The following KDM2B variants were observed in gnomAD, a reference collection of about 807,000 sequenced individuals.
KDM2B encodes the protein lysine-specific demethylase 2B.
A neutral mutation model predicts 150.0 loss-of-function variants in KDM2B; 26 were observed. The observed-to-expected ratio is 0.17, with a 90% CI of 0.13 to 0.24. The LOEUF (loss-of-function observed/expected upper bound fraction) is 0.24. Ranked by LOEUF, KDM2B falls within the 10% of genes least tolerant of loss-of-function variation. KDM2B has a pLI of 1.00. For synonymous variants in KDM2B, 734 were observed against 729.5 expected (o/e 1.01, Z -0.10); for missense variants, 1,265 against 1,816.9 (o/e 0.70, Z 5.52).
chr12:121,427,335 C>A (rs566862998), downstream of KDM2B, among the ~76,000 whole-genome samples: 39 of 152,218 alleles, frequency 2.6e-4, no homozygotes, highest in Admixed American at 8.5e-4. Flanking sequence ...GTCAGGAGTT[C>A]GAGACCAGCC....
chr12:121,518,817 C>T lies in KDM2B; in HGVS notation c.1047+2168G>A, dbSNP rs1273613561. 6.6e-6 allele frequency among the ~76,000 whole-genome samples: 1 copy of T among 152,226 alleles called. No individual in the cohort carries two copies. Among genetic ancestry groups the T allele is most frequent in the African/African-American group, 2.4e-5 (1 of 41,450 alleles). On this transcript the variant is annotated intron_variant, in intron 9 of 22. Transcript: ENST00000377071. This position sits in a 1 kb window ranked among gnomAD's most constrained non-coding sequence, Gnocchi z 4.4. Reference sequence around the variant, plus strand: ...TAGATTTCTCCATCTCTATTCCACACGTCTGCTCGTGCACAAACTGGCCTG... The same window carrying T: ...TAGATTTCTCCATCTCTATTCCACATGTCTGCTCGTGCACAAACTGGCCTG...
intron 12 of KDM2B, among the ~76,000 whole-genome samples, chr12:121,492,690 A>G (rs898414313): frequency 1.3e-5 from 2 of 149,644 alleles, no homozygotes; most frequent in Non-Finnish European, 3.0e-5. Flanking sequence ...TTAGCTGGGC[A>G]TGGTGGCGGG....
chr12:121,431,701 C>G (rs1271470032), intron 22 of KDM2B, among the ~76,000 whole-genome samples: 3 of 152,058 alleles, frequency 2.0e-5, no homozygotes, highest in Non-Finnish European at 4.4e-5. Flanking sequence ...GCCTCCACAT[C>G]AGCACAGAAT....
At chr12:121,415,099 G>GA in the KDM2B span, among the ~76,000 whole-genome samples, 6 of 150,844 alleles carry the variant, frequency 4.0e-5, no homozygotes, top group Admixed American at 4.0e-4. Flanking sequence ...TCCATCTCAA[G>GA]AAAAAAAAGA....
rs1345258395 is a variant in KDM2B at position 121,467,311 on chromosome 12, C to A, written c.1735-13967G>T. On this transcript the variant is annotated intron_variant, in intron 12 of 22. Transcript: ENST00000377071. This position sits in a 1 kb window ranked among gnomAD's most constrained non-coding sequence, Gnocchi z 5.1. ...GGCTCGGCTCGCCCTGGCTCGGGCT[C>A]GGGCTCGGGCTCGGGCTCCCGCTGC... The A allele has an allele frequency of 1.0e-6, 1 of 982,478 alleles. No individual in the cohort carries two copies. Among genetic ancestry groups the A allele is most frequent in the South Asian group, 4.5e-5 (1 of 22,042 alleles). 60.9% of individuals were successfully genotyped at this position (982,478 alleles called of 1,614,324 possible). A position where few individuals can be genotyped will look rare whatever the true frequency, so the allele number is the denominator to read the frequency against.
chr12:121,523,302 G>A (rs557493966), intron 8 of KDM2B, among the ~76,000 whole-genome samples: 1 of 152,230 alleles, frequency 6.6e-6, no homozygotes, highest in Non-Finnish European at 1.5e-5. Flanking sequence ...AGAGAAATAA[G>A]GACAAGGGCG....
At chr12:121,569,482 A>C (rs1477900444) in intron 4 of KDM2B, among the ~76,000 whole-genome samples, 1 of 152,226 alleles carries the variant, frequency 6.6e-6, no homozygotes, top group East Asian at 1.9e-4. Context: ...TCAATTTCTC[A>C]AGATCATTTT....
chr12:121,565,932 AT>A (rs78576604), intron 4 of KDM2B, among the ~76,000 whole-genome samples: 476 of 143,276 alleles, frequency 3.3e-3, no homozygotes, highest in Middle Eastern at 7.2e-3. Flanking sequence ...CGGCCCAGGA[AT>A]TTTTTTTTTT....
intron 12 of KDM2B, among the ~76,000 whole-genome samples, chr12:121,487,699 C>A (rs1555299149): frequency 6.6e-6 from 1 of 152,156 alleles, no homozygotes; most frequent in Non-Finnish European, 1.5e-5. Context: ...CTCAAACCCC[C>A]AGGGGCACAT....
At chr12:121,556,617 G>A (rs782100292) in intron 4 of KDM2B, among the ~76,000 whole-genome samples, 8 of 152,282 alleles carry the variant, frequency 5.3e-5, no homozygotes, top group African/African-American at 1.7e-4. Flanking sequence ...TTGGGAGGCC[G>A]AGGCAAGTGG....
At chr12:121,478,509 G>A (rs1168279917) in intron 12 of KDM2B, among the ~76,000 whole-genome samples, 4 of 150,312 alleles carry the variant, frequency 2.7e-5, no homozygotes, top group Admixed American at 6.6e-5. Flanking sequence ...ACAGGCTCCC[G>A]CCACTACGCC....
chr12:121,503,038 C>T (rs1411618473), intron 11 of KDM2B, among the ~76,000 whole-genome samples: 5 of 144,840 alleles, frequency 3.5e-5, no homozygotes, highest in Non-Finnish European at 7.4e-5. Context: ...GGTGCAATGG[C>T]GCAATCTCAG....
In KDM2B at chr12:121,436,513, T is replaced by G. The variant is rs1449672057; in HGVS notation, c.3829+3344A>C. ...TCCAGCCTGGGCGACAGAGTGAGACTCCATCTCAAAAAAAAAAAAAAAAGT... is the reference window on the plus strand; with the variant it reads ...TCCAGCCTGGGCGACAGAGTGAGACGCCATCTCAAAAAAAAAAAAAAAAGT... On this transcript the variant is annotated intron_variant, in intron 22 of 22. Coordinates refer to ENST00000377071, the MANE Select transcript of KDM2B (RefSeq NM_032590.5). Among the ~76,000 whole-genome samples the G allele has an allele frequency of 1.5e-4, 18 of 122,734 alleles. 1 individual carries two copies. The highest frequency in any genetic ancestry group is 1.5e-4 in the African/African-American group (5 of 33,776). The allele number at this position is 122,734 out of a possible 152,430, so 80.5% of individuals were successfully genotyped here. A position where few individuals can be genotyped will look rare whatever the true frequency, so the allele number is the denominator to read the frequency against.
intron 6 of KDM2B, among the ~76,000 whole-genome samples, chr12:121,545,720 A>C (rs2141918987): frequency 6.6e-6 from 1 of 152,268 alleles, no homozygotes; most frequent in African/African-American, 2.4e-5. Context: ...CAACAAGAGG[A>C]CCTGCAGAAT....
chr12:121,416,392 A>G, the KDM2B span: 5 of 1,534,390 alleles, frequency 3.3e-6, no homozygotes, highest in South Asian at 3.4e-5. Context: ...GTTGGATGAA[A>G]TGTTACATAA....
rs28410395 is a variant in KDM2B, at chr12:121,520,824, C to A, written c.1047+161G>T. On this transcript the variant is annotated intron_variant, in intron 9 of 22. Coordinates refer to ENST00000377071, the MANE Select transcript of KDM2B (RefSeq NM_032590.5). This position sits in a 1 kb window ranked among gnomAD's most constrained non-coding sequence, Gnocchi z 4.5. The stretch of plus-strand genomic sequence containing the variant: ...GCTCCTACAGGCATTCCCCTGCCCC[C>A]CCTCCCCCGCCACAGAACCAGGACT... Among the ~76,000 whole-genome samples the A allele has an allele frequency of 6.6e-6, 1 of 151,892 alleles. No homozygotes were observed. The highest frequency in any genetic ancestry group is 1.5e-5 in the Non-Finnish European group (1 of 67,936).
chr12:121,489,431 G>A (rs1181968789), intron 12 of KDM2B, among the ~76,000 whole-genome samples: 2 of 151,230 alleles, frequency 1.3e-5, no homozygotes, highest in African/African-American at 4.9e-5. Context: ...CACCGCACCC[G>A]CCCCTGAGAA....
intron 9 of KDM2B, chr12:121,516,723 TC>T: frequency 3.2e-6 from 2 of 634,594 alleles, no homozygotes; most frequent in South Asian, 3.6e-5. Flanking sequence ...TCCTCGGAGG[TC>T]CAAGTCATCT....
intron 4 of KDM2B, among the ~76,000 whole-genome samples, chr12:121,567,115 C>T (rs1890757301): frequency 6.6e-6 from 1 of 152,094 alleles, no homozygotes; most frequent in Admixed American, 6.6e-5. Context: ...AAACTCCTGA[C>T]CTCTGTGGTA....
Sources: allele counts gnomAD v4.1 joint callset (sites outside exome capture counted in the v4.1 genomes callset), GRCh38; gene constraint gnomAD v4.1.1; non-coding constraint Gnocchi (gnomAD v3.1); transcripts MANE v1.5; gene names NCBI Gene and HGNC (gene_info 2026-07-23, HGNC 2026-07-21).